Variants in HDAC9 observed in about 807,000 individuals in gnomAD.
The protein encoded by HDAC9 is MEF-2 interacting transcription repressor (MITR) protein.
Under a neutral mutation model 139.4 loss-of-function variants are expected in HDAC9, and 41 were observed. The ratio of observed to expected loss-of-function variants is 0.29; its 90% CI spans 0.23 to 0.38. HDAC9 has a LOEUF of 0.38. Ranked by LOEUF, HDAC9 falls within the 10% of genes least tolerant of loss-of-function variation. The probability of loss-of-function intolerance (pLI) is 1.00; values close to 1 mark genes in which losing one functional copy is unlikely to be tolerated. For synonymous variants in HDAC9, 517 were observed against 476.2 expected, an observed-to-expected ratio of 1.09 and a Z score of -1.12; for missense variants, 1,147 against 1,297.0, an observed-to-expected ratio of 0.88 and a Z score of 1.78.
chr7:18,461,099 T>G (rs546487846), intron 1 of HDAC9, among the ~76,000 whole-genome samples: 1 of 152,282 alleles, frequency 6.6e-6, no homozygotes, highest in South Asian at 2.1e-4. Context: ...CAACAAATCT[T>G]GCGTATGTGT....
At chr7:18,860,170 CA>C (rs1297972909) in intron 21 of HDAC9, among the ~76,000 whole-genome samples, 1 of 151,770 alleles carries the variant, frequency 6.6e-6, no homozygotes, top group East Asian at 1.9e-4. Flanking sequence ...AAAAAATAGG[CA>C]CATAATTAAG....
intron 3 of HDAC9, among the ~76,000 whole-genome samples, chr7:18,586,253 A>G (rs2128805056): frequency 6.6e-6 from 1 of 152,134 alleles, no homozygotes; most frequent in East Asian, 1.9e-4. Flanking sequence ...GTTTTTTTAA[A>G]TTTTGTATCT....
intron 2 of HDAC9, among the ~76,000 whole-genome samples, chr7:18,571,167 A>G (rs1824151842): frequency 6.6e-6 from 1 of 152,254 alleles, no homozygotes; most frequent in Non-Finnish European, 1.5e-5. Flanking sequence ...AAATGTTTTA[A>G]CGTTCAATTT....
At chr7:18,945,062 T>C (rs1782280696) in intron 23 of HDAC9, among the ~76,000 whole-genome samples, 1 of 152,216 alleles carries the variant, frequency 6.6e-6, no homozygotes, top group African/African-American at 2.4e-5. Context: ...TGAATATATT[T>C]CTACAAGTGG....
At chr7:18,115,202 A>T (rs1783893690) in intron 1 of HDAC9, among the ~76,000 whole-genome samples, 1 of 151,920 alleles carries the variant, frequency 6.6e-6, no homozygotes, top group Admixed American at 6.6e-5. Flanking sequence ...CTGAGGCAGG[A>T]GAATGGCATG....
chr7:18,233,463 T>TTTTTTTTTTTTG, intron 2 of HDAC9, among the ~76,000 whole-genome samples: 1 of 150,618 alleles, frequency 6.6e-6, no homozygotes, highest in South Asian at 2.1e-4. Context: ...TCATTCTTTA[T>TTTTTTTTTTTTG]ACTTCAAACA....
intron 1 of HDAC9, among the ~76,000 whole-genome samples, chr7:18,104,499 G>A (rs1431528822): frequency 6.6e-6 from 1 of 151,964 alleles, no homozygotes; most frequent in Non-Finnish European, 1.5e-5. Context: ...AAAAAACAAG[G>A]GTTGGGAAAA....
At chr7:18,488,345 G>A (rs964398072) in intron 1 of HDAC9, among the ~76,000 whole-genome samples, 1 of 152,034 alleles carries the variant, frequency 6.6e-6, no homozygotes, top group Admixed American at 6.6e-5. Flanking sequence ...AGGTTTTCTA[G>A]TTGATATGTA....
intron 2 of HDAC9, among the ~76,000 whole-genome samples, chr7:18,269,306 C>G (rs1258471897): frequency 2.6e-5 from 4 of 152,110 alleles, no homozygotes; most frequent in Non-Finnish European, 4.4e-5. Flanking sequence ...CTTGGCTACT[C>G]TAGGGCTTTG....
chr7:18,193,786 G>C (rs935118280), intron 2 of HDAC9, among the ~76,000 whole-genome samples: 1 of 152,120 alleles, frequency 6.6e-6, no homozygotes, highest in African/African-American at 2.4e-5. Context: ...GCAGGGCCAA[G>C]GGGGCCGACT....
chr7:18,813,328 C>T (rs1057174384), intron 17 of HDAC9, among the ~76,000 whole-genome samples: 5 of 152,074 alleles, frequency 3.3e-5, no homozygotes, highest in Admixed American at 2.6e-4. Context: ...TAAAGGAAAA[C>T]ATGCTTCTCT....
intron 1 of HDAC9, among the ~76,000 whole-genome samples, chr7:18,142,030 A>G (rs371182040): frequency 2.0e-5 from 3 of 152,082 alleles, no homozygotes; most frequent in East Asian, 1.9e-4. Flanking sequence ...CTAGTCCTTT[A>G]TTGTGTCAGG....
intron 16 of HDAC9, among the ~76,000 whole-genome samples, chr7:18,778,273 CA>C (rs1002774623): frequency 1.3e-5 from 2 of 151,842 alleles, no homozygotes; most frequent in African/African-American, 4.8e-5. Flanking sequence ...TCCATGCACT[CA>C]AACATCATCA....
intron 21 of HDAC9, among the ~76,000 whole-genome samples, chr7:18,862,690 G>A (rs1001447884): frequency 2.0e-5 from 3 of 152,038 alleles, no homozygotes; most frequent in Non-Finnish European, 4.4e-5. Context: ...TACTGACAGA[G>A]TTCCCATTTG....
intron 2 of HDAC9, among the ~76,000 whole-genome samples, chr7:18,230,382 G>A (rs746637740): frequency 6.6e-6 from 1 of 152,342 alleles, no homozygotes; most frequent in Non-Finnish European, 1.5e-5. Context: ...ACGTGCCCAC[G>A]AAGCTAGCCC....
intron 21 of HDAC9, among the ~76,000 whole-genome samples, chr7:18,870,083 GTA>G (rs1486732764): frequency 1.3e-5 from 2 of 152,048 alleles, no homozygotes; most frequent in Non-Finnish European, 2.9e-5. Flanking sequence ...CAGAGTTCCT[GTA>G]CGCCAACACG....
intron 1 of HDAC9, among the ~76,000 whole-genome samples, chr7:18,363,687 A>G (rs1346688772): frequency 1.3e-5 from 2 of 152,156 alleles, no homozygotes; most frequent in Non-Finnish European, 2.9e-5. Flanking sequence ...GTGCAGTGTT[A>G]TAAGGATTAA....
intron 2 of HDAC9, among the ~76,000 whole-genome samples, chr7:18,529,310 C>A (rs1210858063): frequency 6.6e-6 from 1 of 151,974 alleles, no homozygotes; most frequent in Non-Finnish European, 1.5e-5. Flanking sequence ...TGGCATAGGA[C>A]ATAAAAGTAA....
At chr7:18,765,157 G>C (rs1224215389) in intron 15 of HDAC9, among the ~76,000 whole-genome samples, 2 of 152,066 alleles carry the variant, frequency 1.3e-5, no homozygotes, top group Non-Finnish European at 1.5e-5. Flanking sequence ...TGAAATAAAA[G>C]TTTCTTGCCC....
Sources: allele counts gnomAD v4.1 joint callset (sites outside exome capture counted in the v4.1 genomes callset), GRCh38; gene constraint gnomAD v4.1.1; transcripts MANE v1.5; gene names NCBI Gene and HGNC (gene_info 2026-07-23, HGNC 2026-07-21).